Variants in GRIN2D observed in about 807,000 individuals in gnomAD.
The protein encoded by GRIN2D is glutamate receptor ionotropic, NMDA 2D.
In GRIN2D, 37 loss-of-function variants were observed where a neutral mutation model predicts 103.2. The observed-to-expected ratio is 0.36, with a 90% CI of 0.28 to 0.47. The LOEUF is 0.47. Ranked by LOEUF, GRIN2D falls within the 20% of genes least tolerant of loss-of-function variation. The probability of loss-of-function intolerance (pLI) is 1.00; values close to 1 mark genes in which losing one functional copy is unlikely to be tolerated. For missense variants in GRIN2D, 1,557 were observed against 1,910.6 expected, an observed-to-expected ratio of 0.81 and a Z score of 3.45; for synonymous variants, 845 against 885.6, an observed-to-expected ratio of 0.95 and a Z score of 0.81.
In GRIN2D at chr19:48,414,253, T is replaced by C. The variant is rs1289608003; in HGVS notation, c.1201-120T>C. 2.1e-6 allele frequency: 2 copies of C among 948,818 alleles called. No homozygotes were observed. Among genetic ancestry groups the C allele is most frequent in the Non-Finnish European group, 3.2e-6 (2 of 617,214 alleles). 58.8% of individuals were successfully genotyped at this position (948,818 alleles called of 1,614,324 possible). A position where few individuals can be genotyped will look rare whatever the true frequency, so the allele number is the denominator to read the frequency against. ...CCTGGGATCTGAAGGTGGGAGGGGCTCCTGGGTCTTGGAAGAAGCTGCTGC... is the reference window on the plus strand; with the variant it reads ...CCTGGGATCTGAAGGTGGGAGGGGCCCCTGGGTCTTGGAAGAAGCTGCTGC... On this transcript the variant is annotated intron_variant, in intron 5 of 13. Coordinates refer to ENST00000263269, the MANE Select transcript of GRIN2D (RefSeq NM_000836.4). This position sits in a 1 kb window ranked among gnomAD's most constrained non-coding sequence, Gnocchi z 4.6.
In GRIN2D at chr19:48,443,714, C is replaced by A. The variant is rs1168009425; in HGVS notation, c.3788C>A (p.Pro1263Gln). 4 of 1,314,832 alleles carry A rather than the reference C, an allele frequency of 3.0e-6. No individual in the cohort carries two copies. Among genetic ancestry groups the A allele is most frequent in the East Asian group, 3.2e-5 (1 of 31,010 alleles). The allele number at this position is 1,314,832 out of a possible 1,614,324, so 81.4% of individuals were successfully genotyped here. ...HRRAAGGWDL[P>Q]PPAPTSRSLE... is the part of the protein sequence containing the mutation. ...CGCGCCGCTGGGGGCTGGGACCTCCCGCCGCCCGCGCCCACCTCGCGCTCG... is the reference window on the plus strand; with the variant it reads ...CGCGCCGCTGGGGGCTGGGACCTCCAGCCGCCCGCGCCCACCTCGCGCTCG... Residue 1263 changes from proline to glutamine, a missense_variant, in exon 14 of 14, where the codon CCG becomes CAG. Transcript: ENST00000263269. This position sits in a 1 kb window ranked among gnomAD's most constrained non-coding sequence, Gnocchi z 8.9.
rs1442436258 is a variant in GRIN2D, at chr19:48,405,310, T to C, written c.1042T>C (p.Cys348Arg). 1 of 1,601,944 alleles carries C rather than the reference T, an allele frequency of 6.2e-7. No individual in the cohort carries two copies. The change falls in exon 4 of 14, where the codon TGT becomes CGT. Residue 348 changes from cysteine to arginine, a missense_variant. Cys to Arg is a radical substitution (Grantham distance 180). Transcript: ENST00000263269. This position sits in a 1 kb window ranked among gnomAD's most constrained non-coding sequence, Gnocchi z 5.1. The part of the protein sequence containing the change: ...YGFLPELGHD[C>R]RAQNRTHRGE... ...TTTCCTTCCTGAGCTCGGCCACGAC[T>C]GTCGCGCCCAGAACCGCACCCACCG...
At chr19:48,396,166 T>C (rs1970637389) in intron 2 of GRIN2D, among the ~76,000 whole-genome samples, 1 of 148,352 alleles carries the variant, frequency 6.7e-6, no homozygotes, top group Admixed American at 6.7e-5. Context: ...CATGAGGAGG[T>C]AGAGATGGAG....
chr19:48,432,663 T>G (rs1399484624), intron 11 of GRIN2D, among the ~76,000 whole-genome samples: 2 of 149,762 alleles, frequency 1.3e-5, no homozygotes, highest in Non-Finnish European at 3.0e-5. Context: ...CTCACTATGT[T>G]GCCCAGGCTG....
At position 48,398,839 on chromosome 19, in the gene GRIN2D, G is replaced by C. The variant is rs1032297931; in HGVS notation, c.447G>C (p.Ala149=). The C allele has an allele frequency of 1.4e-5, 20 of 1,385,712 alleles. 1 individual carries two copies. Among genetic ancestry groups the C allele is most frequent in the Middle Eastern group, 2.6e-4 (1 of 3,880 alleles). 85.8% of individuals were successfully genotyped at this position (1,385,712 alleles called of 1,614,324 possible). ...LPIVAVHGGA[A]LVLTPKEKGS... ...TCGTGGCCGTGCACGGCGGCGCCGC[G>C]CTCGTGCTCACGCCCAAGGTGCGCG... is the stretch of plus-strand genomic sequence containing the variant. Residue 149 remains alanine (A), a synonymous_variant, in exon 3 of 14, where the codon GCG becomes GCC. Transcript: ENST00000263269.
intron 10 of GRIN2D, among the ~76,000 whole-genome samples, chr19:48,420,157 G>T (rs887566079): frequency 1.1e-4 from 17 of 152,068 alleles, no homozygotes; most frequent in African/African-American, 3.9e-4. Context: ...GGCTGGGCGC[G>T]GTGGCTCACA....
Position 48,419,825 on chromosome 19 carries a change from GC to G in GRIN2D, c.2091+14del. The G allele has an allele frequency of 6.4e-7, 1 of 1,566,008 alleles. No individual in the cohort carries two copies. The highest frequency in any genetic ancestry group is 1.1e-5 in the South Asian group (1 of 90,308). The stretch of plus-strand genomic sequence containing the variant: ...CTCAGTGACCGCAAGGTGTGTGTGG[GC>G]CCAGGGCTGGGCTGGAGCTGGGGCT... On this transcript the variant is annotated intron_variant, in intron 10 of 13. Coordinates refer to ENST00000263269, the MANE Select transcript of GRIN2D (RefSeq NM_000836.4).
chr19:48,409,109 G>T (rs1346250227), intron 4 of GRIN2D, among the ~76,000 whole-genome samples: 1 of 151,916 alleles, frequency 6.6e-6, no homozygotes, highest in East Asian at 1.9e-4. Flanking sequence ...GCATCACATG[G>T]TAGAAGGGCA....
At chr19:48,400,596 C>A (rs1970699344) in intron 3 of GRIN2D, among the ~76,000 whole-genome samples, 1 of 152,140 alleles carries the variant, frequency 6.6e-6, no homozygotes, top group Admixed American at 6.5e-5. Flanking sequence ...CTGGGCACTG[C>A]GGTCGGCTCA....
chr19:48,396,801 C>T (rs150539942), intron 2 of GRIN2D, among the ~76,000 whole-genome samples: 3 of 152,044 alleles, frequency 2.0e-5, no homozygotes, highest in Non-Finnish European at 2.9e-5. Context: ...GTGGGGTGGA[C>T]GAGGCCTGCG....
At chr19:48,424,767 C>T (rs972059542) in intron 11 of GRIN2D, among the ~76,000 whole-genome samples, 3 of 152,172 alleles carry the variant, frequency 2.0e-5, no homozygotes, top group Non-Finnish European at 4.4e-5. Flanking sequence ...GCCCTAGTGG[C>T]GTGTCACTGC....
intron 8 of GRIN2D, 113 bp downstream of exon 8, chr19:48,416,268 C>T (rs890760165): frequency 6.2e-6 from 5 of 812,832 alleles, no homozygotes; most frequent in African/African-American, 5.1e-5. Flanking sequence ...TACTTGAACC[C>T]GCTGTGCAAC....
At chr19:48,422,017 G>A in intron 11 of GRIN2D, 72 bp downstream of exon 11, 4 of 1,480,612 alleles carry the variant, frequency 2.7e-6, no homozygotes, top group Non-Finnish European at 2.8e-6. Flanking sequence ...GATGGCAAGG[G>A]GTCCAGGTTC....
Position 48,442,397 on chromosome 19 carries a change from G to A in GRIN2D, c.2673+15G>A. 1.3e-6 allele frequency: 2 copies of A among 1,599,058 alleles called. No individual in the cohort carries two copies. The highest frequency in any genetic ancestry group is 1.7e-4 in the Middle Eastern group (1 of 6,048). The stretch of plus-strand genomic sequence containing the variant: ...CCTTCTCCAGGGTATGGGGCAGAGA[G>A]GGAGGCAGAGAGGGGGAGATGGCAG... On this transcript the variant is annotated intron_variant, in intron 13 of 13. Coordinates refer to ENST00000263269, the MANE Select transcript of GRIN2D (RefSeq NM_000836.4). This position sits in a 1 kb window ranked among gnomAD's most constrained non-coding sequence, Gnocchi z 7.2.
At chr19:48,433,308 TG>T (rs1172217839) in intron 11 of GRIN2D, among the ~76,000 whole-genome samples, 2 of 151,750 alleles carry the variant, frequency 1.3e-5, no homozygotes, top group Non-Finnish European at 2.9e-5. Context: ...GAGGTTGCAG[TG>T]AGCTGAGACC....
At chr19:48,409,018 G>A (rs150957262) in intron 4 of GRIN2D, among the ~76,000 whole-genome samples, 2 of 152,030 alleles carry the variant, frequency 1.3e-5, no homozygotes, top group East Asian at 3.9e-4. Flanking sequence ...GTTGGCTCTT[G>A]GTTCTGGAGG....
chr19:48,412,857 A>G (rs1970892930), intron 4 of GRIN2D, among the ~76,000 whole-genome samples: 1 of 147,182 alleles, frequency 6.8e-6, no homozygotes, highest in South Asian at 2.2e-4. Context: ...AGAGGAGGGC[A>G]TGGTGGCTCA....
At position 48,443,159 on chromosome 19, in the gene GRIN2D, G is replaced by C. The variant is rs1177271643; in HGVS notation, c.3233G>C (p.Gly1078Ala). 1.5e-5 allele frequency: 15 copies of C among 998,604 alleles called. No homozygotes were observed. The highest frequency in any genetic ancestry group is 1.8e-5 in the Non-Finnish European group (15 of 838,596). The allele number at this position is 998,604 out of a possible 1,614,324, so 61.9% of individuals were successfully genotyped here. Reference sequence around the variant, plus strand: ...CCCCTGCTGGGGCCAGGCGCGGGCGGCGCGGGGGGCACGGGGGGCGCAGGC... The same window carrying C: ...CCCCTGCTGGGGCCAGGCGCGGGCGCCGCGGGGGGCACGGGGGGCGCAGGC... ...SQPLLGPGAG[G>A]AGGTGGAGGG... Residue 1078 changes from glycine (G) to alanine (A), a missense_variant, in exon 14 of 14, where the codon GGC becomes GCC. Transcript: ENST00000263269. This position sits in a 1 kb window ranked among gnomAD's most constrained non-coding sequence, Gnocchi z 8.9.
At chr19:48,434,066 A>C (rs940837984) in intron 11 of GRIN2D, among the ~76,000 whole-genome samples, 2 of 149,922 alleles carry the variant, frequency 1.3e-5, no homozygotes, top group African/African-American at 4.9e-5. Flanking sequence ...CTCCTGCCTC[A>C]GCTTCCCGAG....
Sources: gnomAD v4.1 joint callset for allele counts (sites outside exome capture counted in the v4.1 genomes callset) on GRCh38, gnomAD v4.1.1 for gene constraint, Gnocchi (gnomAD v3.1) non-coding constraint, MANE v1.5 for transcripts, NCBI Gene and HGNC (gene_info 2026-07-23, HGNC 2026-07-21) for gene names.